TRPM3: variants seen among roughly 807,000 people sequenced by gnomAD.
TRPM3 encodes transient receptor potential cation channel subfamily M member 3.
Under a neutral mutation model 181.2 loss-of-function variants are expected in TRPM3, and 77 were observed. The ratio of observed to expected loss-of-function variants is 0.42; its 90% confidence interval spans 0.35 to 0.51. The LOEUF (loss-of-function observed/expected upper bound fraction) is 0.51. Ranked by LOEUF, TRPM3 falls within the 20% of genes least tolerant of loss-of-function variation. The pLI, the probability that TRPM3 is intolerant of heterozygous loss-of-function variation, is 0.01. For missense variants in TRPM3, 1,759 were observed against 2,196.7 expected (o/e 0.80, Z 3.98); for synonymous variants, 745 against 796.4 (o/e 0.94, Z 1.09).
chr9:70,893,394 A>G (rs1446079563), intron 1 of TRPM3, among the ~76,000 whole-genome samples: 1 of 152,196 alleles, frequency 6.6e-6, no homozygotes, highest in Non-Finnish European at 1.5e-5. Context: ...ATTAGGTTCA[A>G]GTGAATAAAG....
chr9:71,226,429 A>G (rs2080659724), intron 1 of TRPM3, among the ~76,000 whole-genome samples: 1 of 152,140 alleles, frequency 6.6e-6, no homozygotes, highest in Non-Finnish European at 1.5e-5. Flanking sequence ...TCTGTTGCCT[A>G]CAAAAAGCAT....
At chr9:70,763,972 A>G (rs1300324804) in intron 7 of TRPM3, among the ~76,000 whole-genome samples, 1 of 152,150 alleles carries the variant, frequency 6.6e-6, no homozygotes, top group Non-Finnish European at 1.5e-5. Context: ...AAATGGCATG[A>G]ATGGGCCCAG....
At chr9:70,819,212 C>A (rs1347930088) in intron 6 of TRPM3, among the ~76,000 whole-genome samples, 2 of 152,132 alleles carry the variant, frequency 1.3e-5, no homozygotes, top group Non-Finnish European at 2.9e-5. Context: ...ACATTCCTGG[C>A]CCCTCTCCCA....
chr9:70,560,655 G>C (rs188685566), intron 22 of TRPM3, among the ~76,000 whole-genome samples: 1 of 152,284 alleles, frequency 6.6e-6, no homozygotes, highest in Admixed American at 6.5e-5. Flanking sequence ...CTCTGAAGAA[G>C]GAGCCAACGT....
intron 9 of TRPM3, among the ~76,000 whole-genome samples, chr9:70,674,294 T>C (rs2063555540): frequency 1.3e-5 from 2 of 152,192 alleles, no homozygotes; most frequent in South Asian, 4.1e-4. Context: ...ACCTGATGCA[T>C]GGAATTATTG....
chr9:71,379,964 A>G (rs1385126843), intron 1 of TRPM3, among the ~76,000 whole-genome samples: 1 of 152,000 alleles, frequency 6.6e-6, no homozygotes, highest in Non-Finnish European at 1.5e-5. Context: ...ATGCATTGCC[A>G]TGTGTTCAGT....
chr9:70,806,660 A>G (rs2090758742), intron 6 of TRPM3, among the ~76,000 whole-genome samples: 1 of 151,696 alleles, frequency 6.6e-6, no homozygotes, highest in African/African-American at 2.4e-5. Context: ...ACTGCACTCC[A>G]GCCTGGGTGA....
At chr9:70,754,329 C>A (rs577506669) in intron 8 of TRPM3, among the ~76,000 whole-genome samples, 16 of 152,074 alleles carry the variant, frequency 1.1e-4, no homozygotes, top group Non-Finnish European at 1.5e-4. Context: ...ACATCTGTTC[C>A]CCAATGAATA....
intron 1 of TRPM3, among the ~76,000 whole-genome samples, chr9:71,342,318 G>C (rs2091015371): frequency 6.7e-6 from 1 of 148,946 alleles, no homozygotes; most frequent in African/African-American, 2.4e-5. Context: ...TCTACCTCAA[G>C]AACTTTATCC....
At chr9:70,766,232 C>T (rs2079093535) in intron 7 of TRPM3, among the ~76,000 whole-genome samples, 1 of 152,158 alleles carries the variant, frequency 6.6e-6, no homozygotes, top group Non-Finnish European at 1.5e-5. Context: ...CAAAACGCCC[C>T]ACAGTTTGCT....
intron 1 of TRPM3, among the ~76,000 whole-genome samples, chr9:71,056,235 A>G (rs181061548): frequency 0.013 from 1,962 of 152,080 alleles, 32 homozygotes; most frequent in African/African-American, 0.045. Context: ...CAAAGCACTC[A>G]TTGTCTGTGA....
chr9:70,851,309 T>C (rs1301897116), intron 3 of TRPM3, among the ~76,000 whole-genome samples: 1 of 152,232 alleles, frequency 6.6e-6, no homozygotes, highest in African/African-American at 2.4e-5. Context: ...CATTATTAAC[T>C]CACATAGTGT....
intron 1 of TRPM3, among the ~76,000 whole-genome samples, chr9:71,182,378 C>A (rs114685387): frequency 6.6e-6 from 1 of 152,052 alleles, no homozygotes; most frequent in African/African-American, 2.4e-5. Flanking sequence ...AATGGCCCTC[C>A]AGGGTTTCAA....
intron 1 of TRPM3, among the ~76,000 whole-genome samples, chr9:71,109,516 T>A (rs1204187383): frequency 6.6e-6 from 1 of 152,210 alleles, no homozygotes; most frequent in Non-Finnish European, 1.5e-5. Context: ...AACATATTAA[T>A]TTATGAATAA....
intron 1 of TRPM3, among the ~76,000 whole-genome samples, chr9:70,990,741 A>G (rs1294035200): frequency 6.6e-6 from 1 of 152,214 alleles, no homozygotes; most frequent in Non-Finnish European, 1.5e-5. Context: ...CATAAAATGC[A>G]CAAAAGGGAT....
intron 1 of TRPM3, among the ~76,000 whole-genome samples, chr9:71,412,522 G>T (rs1482914448): frequency 6.6e-6 from 1 of 152,010 alleles, no homozygotes; most frequent in Non-Finnish European, 1.5e-5. Flanking sequence ...ACTGGCCAGA[G>T]AAATGCAAAT....
At chr9:71,349,763 C>G (rs2091498464) in intron 1 of TRPM3, among the ~76,000 whole-genome samples, 1 of 151,980 alleles carries the variant, frequency 6.6e-6, no homozygotes. Flanking sequence ...ATCTTTCCCC[C>G]ACGTGAATTC....
intron 9 of TRPM3, among the ~76,000 whole-genome samples, chr9:70,656,977 G>T (rs2060439184): frequency 6.6e-6 from 1 of 150,758 alleles, no homozygotes; most frequent in African/African-American, 2.4e-5. Context: ...ATGTAAGAAA[G>T]AATCTTACAT....
chr9:70,784,486 G>A (rs1470274679), intron 6 of TRPM3, among the ~76,000 whole-genome samples: 1 of 152,064 alleles, frequency 6.6e-6, no homozygotes, highest in Non-Finnish European at 1.5e-5. Context: ...ATTTGACTTT[G>A]CCCTCTCCCC....
Sources: allele counts gnomAD v4.1 joint callset (sites outside exome capture counted in the v4.1 genomes callset), GRCh38; gene constraint gnomAD v4.1.1; transcripts MANE v1.5; gene names NCBI Gene and HGNC (gene_info 2026-07-23, HGNC 2026-07-21).